Variants in ETNPPL observed in about 807,000 individuals in gnomAD.
The protein encoded by ETNPPL is alanine--glyoxylate aminotransferase 2-like 1.
A neutral mutation model predicts 55.5 loss-of-function variants in ETNPPL; 30 were observed. That is an observed-to-expected ratio of 0.54 (90% confidence interval 0.40 to 0.73). The LOEUF (loss-of-function observed/expected upper bound fraction) is 0.73. Among genes scored for constraint, ETNPPL ranks in the 30% least tolerant of loss-of-function variants. ETNPPL has a pLI of 0.00. For missense variants in ETNPPL, 528 were observed against 607.9 expected, an observed-to-expected ratio of 0.87 and a Z score of 1.38; for synonymous variants, 202 against 207.2, an observed-to-expected ratio of 0.98 and a Z score of 0.21.
At chr4:108,754,398 A>G (rs2125678809) in intron 5 of ETNPPL, among the ~76,000 whole-genome samples, 1 of 152,162 alleles carries the variant, frequency 6.6e-6, no homozygotes, top group East Asian at 1.9e-4. Flanking sequence ...ACAACTACTA[A>G]ACTAATTTGC....
chr4:108,743,723 A>G (rs1181342890), intron 12 of ETNPPL, 66 bp downstream of exon 12: 4 of 1,188,504 alleles, frequency 3.4e-6, no homozygotes, highest in Admixed American at 1.8e-5. Flanking sequence ...GAAAATTTGT[A>G]TTCCTTTTTT....
intron 11 of ETNPPL, 37 bp downstream of exon 11, chr4:108,746,362 G>A (rs774655409): frequency 1.3e-5 from 21 of 1,585,832 alleles, no homozygotes; most frequent in Non-Finnish European, 1.5e-5. Context: ...GTTTGGGAGA[G>A]GGAACAAGAA....
At chr4:108,753,858 CA>C (rs1729067243) in intron 5 of ETNPPL, among the ~76,000 whole-genome samples, 1 of 151,398 alleles carries the variant, frequency 6.6e-6, no homozygotes, top group African/African-American at 2.4e-5. Flanking sequence ...TCAGTTAAGA[CA>C]AACACACCAA....
chr4:108,754,530 C>A, intron 5 of ETNPPL, 90 bp downstream of exon 5: 1 of 746,396 alleles, frequency 1.3e-6, no homozygotes, highest in Non-Finnish European at 2.3e-6. Context: ...GTTTCTCTTT[C>A]ATGGTTCATC....
chr4:108,761,795 A>G (rs778274538), intron 1 of ETNPPL, among the ~76,000 whole-genome samples: 1 of 152,196 alleles, frequency 6.6e-6, no homozygotes, highest in African/African-American at 2.4e-5. Context: ...AGATGGAACT[A>G]GTCTTCCAAA....
chr4:108,744,892 G>GT (rs1241557014), intron 11 of ETNPPL, among the ~76,000 whole-genome samples: 1 of 151,718 alleles, frequency 6.6e-6, no homozygotes, highest in East Asian at 1.9e-4. Flanking sequence ...GCTAATTTTT[G>GT]TATTTTATTT....
At chr4:108,758,435 T>C (rs1013849176) in intron 3 of ETNPPL, among the ~76,000 whole-genome samples, 2 of 152,162 alleles carry the variant, frequency 1.3e-5, no homozygotes, top group African/African-American at 2.4e-5. Context: ...AATGGATATA[T>C]AATGATTTGA....
intron 1 of ETNPPL, chr4:108,762,551 C>T: frequency 3.1e-6 from 2 of 642,848 alleles, no homozygotes; most frequent in South Asian, 1.7e-5. Context: ...GGCTATTGGC[C>T]GTCATCCACC....
intron 1 of ETNPPL, chr4:108,762,412 T>C (rs567722646): frequency 1.1e-3 from 573 of 528,560 alleles, no homozygotes; most frequent in Non-Finnish European, 1.6e-3. Flanking sequence ...CAGAATTGGT[T>C]TGTTTGCGGA....
At chr4:108,745,800 G>C (rs574717553) in intron 11 of ETNPPL, among the ~76,000 whole-genome samples, 2 of 149,974 alleles carry the variant, frequency 1.3e-5, no homozygotes, top group Admixed American at 6.7e-5. Flanking sequence ...GCATGGTGGC[G>C]GGTGCCTGTA....
intron 11 of ETNPPL, among the ~76,000 whole-genome samples, chr4:108,745,020 G>T (rs900936603): frequency 6.6e-6 from 1 of 152,102 alleles, no homozygotes; most frequent in Admixed American, 6.6e-5. Flanking sequence ...GGCATGTGCT[G>T]CCATGCTGGC....
intron 11 of ETNPPL, among the ~76,000 whole-genome samples, chr4:108,744,715 ATTT>A (rs530380404): frequency 7.0e-4 from 85 of 121,158 alleles, no homozygotes; most frequent in East Asian, 5.7e-3. Context: ...AGAAGTTGAA[ATTT>A]TTTTTTTTTT....
intron 1 of ETNPPL, among the ~76,000 whole-genome samples, chr4:108,760,661 G>A (rs1329669432): frequency 6.6e-6 from 1 of 152,002 alleles, no homozygotes; most frequent in African/African-American, 2.4e-5. Flanking sequence ...AGTTTTTTTG[G>A]GGGGCTTAAT....
intron 3 of ETNPPL, 89 bp downstream of exon 3, chr4:108,759,660 C>T (rs1729409152): frequency 7.3e-7 from 1 of 1,362,644 alleles, no homozygotes; most frequent in Non-Finnish European, 1.0e-6. Flanking sequence ...TTTGGACAAG[C>T]TCCACCATGA....
intron 5 of ETNPPL, 139 bp downstream of exon 5, chr4:108,754,481 C>A (rs753774179): frequency 1.4e-5 from 8 of 578,866 alleles, no homozygotes; most frequent in Non-Finnish European, 2.1e-5. Flanking sequence ...TTATTTAGCC[C>A]TTTGACCTTA....
In ETNPPL at chr4:108,753,074, G is replaced by A. The variant is rs369650837; in HGVS notation, c.502-63C>T. 3.5e-4 allele frequency: 297 copies of A among 844,052 alleles called. No individual in the cohort carries two copies. In the African/African-American group the frequency reaches 4.0e-3, roughly 11 times the overall value. The allele number at this position is 844,052 out of a possible 1,614,324, so 52.3% of individuals were successfully genotyped here. A position where few individuals can be genotyped will look rare whatever the true frequency, so the allele number is the denominator to read the frequency against. On this transcript the variant is annotated intron_variant, in intron 5 of 12. Transcript: ENST00000296486. ...CTTTTCGACAAACCTTAAAAAAAAG[G>A]CATTTCCCCACAAGAACATGTTAGA...
At chr4:108,760,877 A>T (rs1460182388) in intron 1 of ETNPPL, among the ~76,000 whole-genome samples, 1 of 152,218 alleles carries the variant, frequency 6.6e-6, no homozygotes, top group East Asian at 1.9e-4. Flanking sequence ...CAAGGTAGAC[A>T]TCTCTGTTTC....
At chr4:108,750,770 G>T (rs571646410) in intron 7 of ETNPPL, among the ~76,000 whole-genome samples, 166 bp downstream of exon 7, 5 of 151,798 alleles carry the variant, frequency 3.3e-5, no homozygotes, top group Admixed American at 1.3e-4. Flanking sequence ...GCTGGATCTT[G>T]GGGAAGGCTG....
At chr4:108,750,625 A>ATATATATATATC (rs1553933962) in intron 7 of ETNPPL, among the ~76,000 whole-genome samples, 2 of 122,890 alleles carry the variant, frequency 1.6e-5, no homozygotes, top group Non-Finnish European at 3.2e-5. Context: ...ATATATATAT[A>ATATATATATATC]TCCTATTAGT....
Sources: allele counts gnomAD v4.1 joint callset (sites outside exome capture counted in the v4.1 genomes callset), GRCh38; gene constraint gnomAD v4.1.1; transcripts MANE v1.5; gene names NCBI Gene and HGNC (gene_info 2026-07-23, HGNC 2026-07-21).